The following ETS1 variants were observed in gnomAD, a reference collection of about 807,000 sequenced individuals.
ETS1 encodes the protein protein C-ets-1.
A neutral mutation model predicts 58.6 loss-of-function variants in ETS1; 15 were observed. The ratio of observed to expected loss-of-function variants is 0.26; its 90% CI spans 0.17 to 0.39. ETS1 has a LOEUF of 0.39. Among genes scored for constraint, ETS1 ranks in the 10% least tolerant of loss-of-function variants. ETS1 has a pLI of 1.00. For synonymous variants in ETS1, 214 were observed against 218.2 expected, an observed-to-expected ratio of 0.98 and a Z score of 0.17; for missense variants, 417 against 610.5, an observed-to-expected ratio of 0.68 and a Z score of 3.34.
At chr11:128,528,683 C>A (rs1279069029) in intron 3 of ETS1, among the ~76,000 whole-genome samples, 1 of 152,156 alleles carries the variant, frequency 6.6e-6, no homozygotes, top group Non-Finnish European at 1.5e-5. Flanking sequence ...AACATTTTTA[C>A]AGAAAAATGA....
intron 1 of ETS1, among the ~76,000 whole-genome samples, chr11:128,585,240 AAGAAAAAG>A (rs1865004629): frequency 6.7e-6 from 1 of 149,222 alleles, no homozygotes; most frequent in Non-Finnish European, 1.5e-5. Context: ...GAAAGAAAGA[AAGAAAAAG>A]AAAGGAGGGA....
chr11:128,524,366 C>T (rs1322516290), intron 3 of ETS1, among the ~76,000 whole-genome samples: 6 of 152,128 alleles, frequency 3.9e-5, no homozygotes, highest in Non-Finnish European at 4.4e-5. Context: ...AATAGGGTTG[C>T]GTAAAGCAGC....
In ETS1 at chr11:128,484,802, T is replaced by C. The variant is rs751465251; in HGVS notation, c.862+21A>G. On this transcript the variant is annotated intron_variant, in intron 7 of 9. Coordinates refer to ENST00000392668, the MANE Select transcript of ETS1 (RefSeq NM_001143820.2). ...TAATTCTTGTAAACCCAAGAGCTTTTAGAGAAGAAATATGACCTACCACGA... is the reference window on the plus strand; with the variant it reads ...TAATTCTTGTAAACCCAAGAGCTTTCAGAGAAGAAATATGACCTACCACGA... 4 of 1,602,330 alleles carry C rather than the reference T, an allele frequency of 2.5e-6. No individual in the cohort carries two copies. In the African/African-American group the frequency reaches 4.0e-5, roughly 16 times the overall value.
At chr11:128,518,690 G>A (rs958611335) in intron 3 of ETS1, among the ~76,000 whole-genome samples, 4 of 152,188 alleles carry the variant, frequency 2.6e-5, no homozygotes, top group African/African-American at 4.8e-5. Context: ...AGCACAGTGA[G>A]CAAGTGATCT....
At chr11:128,481,291 G>C (rs911415168) in intron 7 of ETS1, among the ~76,000 whole-genome samples, 1 of 152,132 alleles carries the variant, frequency 6.6e-6, no homozygotes, top group Non-Finnish European at 1.5e-5. Context: ...AGTTGCTTAA[G>C]GCATTCTTAA....
At chr11:128,540,186 G>A (rs1046055258) in intron 3 of ETS1, among the ~76,000 whole-genome samples, 4 of 152,028 alleles carry the variant, frequency 2.6e-5, no homozygotes, top group East Asian at 1.9e-4. Flanking sequence ...GGTGGCAGGC[G>A]CCTGTTATCC....
chr11:128,558,786 T>C (rs1341181837), intron 2 of ETS1, among the ~76,000 whole-genome samples: 2 of 152,142 alleles, frequency 1.3e-5, no homozygotes, highest in Non-Finnish European at 2.9e-5. Flanking sequence ...AGCAGCTACA[T>C]TAAATACTTC....
intron 3 of ETS1, among the ~76,000 whole-genome samples, chr11:128,540,718 A>G (rs1171221938): frequency 7.2e-5 from 11 of 152,240 alleles, no homozygotes; most frequent in Non-Finnish European, 1.6e-4. Flanking sequence ...TAAAAATATT[A>G]TCTCCTGGCT....
chr11:128,559,440 T>C (rs1864369582), intron 2 of ETS1, among the ~76,000 whole-genome samples: 1 of 152,220 alleles, frequency 6.6e-6, no homozygotes, highest in Admixed American at 6.5e-5. Context: ...TGGTTGGTTT[T>C]TTTCCTGGAG....
At chr11:128,579,132 T>A (rs1183275960) in intron 1 of ETS1, among the ~76,000 whole-genome samples, 1 of 152,166 alleles carries the variant, frequency 6.6e-6, no homozygotes, top group Non-Finnish European at 1.5e-5. Context: ...GAATTATGGT[T>A]AAAACATATC....
chr11:128,567,876 C>G (rs1766603510), intron 2 of ETS1, among the ~76,000 whole-genome samples: 1 of 152,114 alleles, frequency 6.6e-6, no homozygotes, highest in African/African-American at 2.4e-5. Flanking sequence ...TCAGGTAATC[C>G]ACCTGTCTCG....
At chr11:128,565,062 T>TAAATA (rs779396076) in intron 2 of ETS1, among the ~76,000 whole-genome samples, 6,697 of 54,406 alleles carry the variant, frequency 0.12, 203 homozygotes, top group Non-Finnish European at 0.17. Context: ...ATAAATAAAA[T>TAAATA]AAATGTGTTT....
intron 3 of ETS1, among the ~76,000 whole-genome samples, chr11:128,553,610 C>T (rs908286091): frequency 1.3e-5 from 2 of 152,096 alleles, no homozygotes; most frequent in African/African-American, 4.8e-5. Flanking sequence ...TTAGTATTCT[C>T]TCCCACTCAC....
chr11:128,561,568 T>A (rs1351519531), intron 2 of ETS1, among the ~76,000 whole-genome samples: 1 of 152,080 alleles, frequency 6.6e-6, no homozygotes, highest in Non-Finnish European at 1.5e-5. Flanking sequence ...GAAGAAAGAG[T>A]TGGGCCATGG....
intron 2 of ETS1, among the ~76,000 whole-genome samples, chr11:128,562,124 C>T (rs1000596251): frequency 2.6e-5 from 4 of 152,130 alleles, no homozygotes; most frequent in South Asian, 2.1e-4. Context: ...TGGTCTTGGC[C>T]GGACGCGGTG....
intron 3 of ETS1, among the ~76,000 whole-genome samples, chr11:128,505,644 G>T (rs1434382214): frequency 1.3e-5 from 2 of 152,148 alleles, no homozygotes; most frequent in Admixed American, 1.3e-4. Context: ...GTGGTAAGTC[G>T]CCAGGCAGAC....
chr11:128,561,062 G>A (rs1490949938), intron 2 of ETS1, among the ~76,000 whole-genome samples: 1 of 152,190 alleles, frequency 6.6e-6, no homozygotes, highest in Non-Finnish European at 1.5e-5. Context: ...TATAGAGAGA[G>A]AAAGACGGTG....
Position 128,533,512 on chromosome 11 carries a change from C to G in ETS1, c.214+22779G>C, listed in dbSNP as rs548493912. Among the ~76,000 whole-genome samples, 3 of 152,336 alleles carry G rather than the reference C, an allele frequency of 2.0e-5. No homozygotes were observed. In the East Asian group the frequency reaches 5.8e-4, roughly 29 times the overall value. ...TTTGACCACACCTCACCTTCTCCCC[C>G]ACATAGGGACCCTGCTCTCTGACAA... On this transcript the variant is annotated intron_variant, in intron 3 of 9. Transcript: ENST00000392668.
chr11:128,500,932 C>T (rs769096751), intron 3 of ETS1, among the ~76,000 whole-genome samples: 1 of 152,202 alleles, frequency 6.6e-6, no homozygotes, highest in Non-Finnish European at 1.5e-5. Context: ...TTTTGAGCTA[C>T]ACAATTTCAC....
Sources: allele counts gnomAD v4.1 joint callset (sites outside exome capture counted in the v4.1 genomes callset), GRCh38; gene constraint gnomAD v4.1.1; transcripts MANE v1.5; gene names NCBI Gene and HGNC (gene_info 2026-07-23, HGNC 2026-07-21).